SORL1: variants seen among roughly 807,000 people sequenced by gnomAD.
SORL1 encodes sortilin related receptor 1.
A neutral mutation model predicts 273.7 loss-of-function variants in SORL1; 127 were observed. The ratio of observed to expected loss-of-function variants is 0.46; its 90% confidence interval spans 0.40 to 0.54. The LOEUF (loss-of-function observed/expected upper bound fraction) is 0.54. Among genes scored for constraint, SORL1 ranks in the 20% least tolerant of loss-of-function variants. The pLI, the probability that SORL1 is intolerant of heterozygous loss-of-function variation, is 0.00. For synonymous variants in SORL1, 1,031 were observed against 1,067.4 expected, an observed-to-expected ratio of 0.97 and a Z score of 0.66; for missense variants, 2,494 against 2,846.1, an observed-to-expected ratio of 0.88 and a Z score of 2.81.
At chr11:121,623,727 G>T (rs1279815789) in intron 45 of SORL1, among the ~76,000 whole-genome samples, 1 of 152,202 alleles carries the variant, frequency 6.6e-6, no homozygotes, top group African/African-American at 2.4e-5. Context: ...TCCTTCCTGG[G>T]TGGCTGGAGC....
chr11:121,586,925 T>G (rs1396370120), intron 27 of SORL1, among the ~76,000 whole-genome samples: 1 of 152,160 alleles, frequency 6.6e-6, no homozygotes, highest in Non-Finnish European at 1.5e-5. Flanking sequence ...CTCCTGGTGA[T>G]TCTACTGTGC....
At chr11:121,526,859 A>G (rs1453322182) in intron 11 of SORL1, among the ~76,000 whole-genome samples, 1 of 152,092 alleles carries the variant, frequency 6.6e-6, no homozygotes, top group Non-Finnish European at 1.5e-5. Flanking sequence ...CAATCATACC[A>G]TTTGCAAAGA....
At chr11:121,566,900 T>G in intron 21 of SORL1, 40 bp from the exon 22 acceptor site, 1 of 1,582,986 alleles carries the variant, frequency 6.3e-7, no homozygotes, top group Non-Finnish European at 8.6e-7. Flanking sequence ...TCCCTCATGG[T>G]GTGTATTAAC....
intron 22 of SORL1, among the ~76,000 whole-genome samples, chr11:121,569,380 C>T (rs893877249): frequency 6.6e-6 from 1 of 152,162 alleles, no homozygotes; most frequent in Non-Finnish European, 1.5e-5. Context: ...GCCGGTGAGC[C>T]GGGCGGAACA....
intron 37 of SORL1, 41 bp from the exon 38 acceptor site, chr11:121,608,063 T>C: frequency 1.3e-6 from 2 of 1,543,338 alleles, no homozygotes; most frequent in Non-Finnish European, 1.8e-6. Context: ...GTATGGTGTA[T>C]TGCCTTTATT....
At chr11:121,474,974 G>A (rs1387039421) in intron 2 of SORL1, among the ~76,000 whole-genome samples, 2 of 152,254 alleles carry the variant, frequency 1.3e-5, no homozygotes, top group Non-Finnish European at 2.9e-5. Context: ...TAAGAATTAA[G>A]GACTGGGTGC....
chr11:121,589,953 T>G, intron 29 of SORL1, 87 bp from the exon 30 acceptor site: 18 of 1,514,658 alleles, frequency 1.2e-5, no homozygotes, highest in Non-Finnish European at 1.5e-5. Context: ...CCCTGGAACT[T>G]GGGTCTGGAG....
chr11:121,559,765 T>G (rs1776491584), intron 21 of SORL1, 108 bp downstream of exon 21: 13 of 930,564 alleles, frequency 1.4e-5, no homozygotes, highest in Non-Finnish European at 2.1e-5. Context: ...ATCTTTGTTG[T>G]CACGACAACA....
intron 12 of SORL1, among the ~76,000 whole-genome samples, chr11:121,540,258 A>G (rs1862326610): frequency 6.6e-6 from 1 of 152,078 alleles, no homozygotes. Flanking sequence ...TTATTATTAT[A>G]TTATCTGACC....
At chr11:121,545,563 CT>C in intron 14 of SORL1, 134 bp downstream of exon 14, 1 of 799,230 alleles carries the variant, frequency 1.3e-6, no homozygotes, top group Non-Finnish European at 2.0e-6. Context: ...TGTGAAGCAT[CT>C]TTTATGTGCC....
chr11:121,498,969 C>T (rs1861671352), intron 6 of SORL1, among the ~76,000 whole-genome samples: 2 of 152,004 alleles, frequency 1.3e-5, no homozygotes, highest in South Asian at 4.1e-4. Flanking sequence ...ATCTGATTTA[C>T]AGAGTGCCTG....
At chr11:121,470,513 C>G (rs551207541) in intron 2 of SORL1, among the ~76,000 whole-genome samples, 16 of 152,316 alleles carry the variant, frequency 1.1e-4, no homozygotes, top group African/African-American at 3.6e-4. Flanking sequence ...GCTGTTGAAA[C>G]TGATTCTCTA....
At chr11:121,588,763 G>C (rs1454118288) in intron 28 of SORL1, among the ~76,000 whole-genome samples, 1 of 152,160 alleles carries the variant, frequency 6.6e-6, no homozygotes, top group Non-Finnish European at 1.5e-5. Context: ...CAAGATCAAG[G>C]TGTCGGCAGG....
chr11:121,507,031 T>G (rs1591304602), intron 6 of SORL1, among the ~76,000 whole-genome samples: 2 of 152,216 alleles, frequency 1.3e-5, no homozygotes, highest in East Asian at 3.8e-4. Flanking sequence ...TGAAATCTAA[T>G]TTGGATTAAT....
At chr11:121,616,570 C>A (rs1863645340) in intron 41 of SORL1, among the ~76,000 whole-genome samples, 1 of 152,198 alleles carries the variant, frequency 6.6e-6, no homozygotes, top group Admixed American at 6.5e-5. Context: ...CCCGACTTGG[C>A]CTACTCCCAT....
At chr11:121,523,414 T>C (rs1862070858) in intron 11 of SORL1, among the ~76,000 whole-genome samples, 1 of 151,962 alleles carries the variant, frequency 6.6e-6, no homozygotes. Context: ...GAAGTTGAGA[T>C]GAAGCCTGTC....
intron 3 of SORL1, among the ~76,000 whole-genome samples, 161 bp downstream of exon 3, chr11:121,478,404 TG>T (rs1336103178): frequency 6.6e-6 from 1 of 152,318 alleles, no homozygotes; most frequent in Non-Finnish European, 1.5e-5. Flanking sequence ...TGTGACAGAC[TG>T]CTGTTCTCAG....
At chr11:121,575,248 G>C (rs1051834135) in intron 24 of SORL1, among the ~76,000 whole-genome samples, 2 of 152,192 alleles carry the variant, frequency 1.3e-5, no homozygotes, top group African/African-American at 4.8e-5. Context: ...CACTATTTCT[G>C]TTGCACAGTA....
intron 43 of SORL1, 60 bp from the exon 44 acceptor site, chr11:121,621,004 A>T: frequency 2.3e-6 from 3 of 1,289,848 alleles, no homozygotes; most frequent in Non-Finnish European, 3.3e-6. Context: ...CCATTGAACT[A>T]CAAAGAGTGA....
Sources: gnomAD v4.1 joint callset for allele counts (sites outside exome capture counted in the v4.1 genomes callset) on GRCh38, gnomAD v4.1.1 for gene constraint, MANE v1.5 for transcripts, NCBI Gene and HGNC (gene_info 2026-07-23, HGNC 2026-07-21) for gene names.